ACAT2: variants seen among roughly 807,000 people sequenced by gnomAD.
ACAT2 encodes acetyl-CoA acetyltransferase 2.
A neutral mutation model predicts 37.1 loss-of-function variants in ACAT2; 26 were observed. The observed-to-expected ratio is 0.70, with a 90% CI of 0.51 to 0.97. The LOEUF is 0.97. Ranked by LOEUF, ACAT2 falls within the 50% of genes least tolerant of loss-of-function variation. The pLI, the probability that ACAT2 is intolerant of heterozygous loss-of-function variation, is 0.00. For synonymous variants in ACAT2, 156 were observed against 163.6 expected, an observed-to-expected ratio of 0.95 and a Z score of 0.35; for missense variants, 468 against 489.0, an observed-to-expected ratio of 0.96 and a Z score of 0.40.
intron 4 of ACAT2, among the ~76,000 whole-genome samples, chr6:159,774,905 G>C (rs959606976): frequency 6.6e-6 from 1 of 152,134 alleles, no homozygotes; most frequent in African/African-American, 2.4e-5. Flanking sequence ...AAATATAAAT[G>C]GTGACTCTGG....
In ACAT2 at chr6:159,775,270, T is replaced by G. The variant is rs1780395117; in HGVS notation, c.591T>G (p.His197Gln). The G allele has an allele frequency of 1.9e-6, 3 of 1,614,062 alleles. No individual in the cohort carries two copies. Among genetic ancestry groups the G allele is most frequent in the Admixed American group, 1.7e-5 (1 of 59,996 alleles). The change falls in exon 5 of 9, where the codon CAT (histidine) becomes CAG (glutamine). Residue 197 changes from histidine to glutamine, a missense_variant. His to Gln is a conservative substitution (Grantham distance 24, BLOSUM62 0). Transcript: ENST00000367048. ...NRTENAQKAGHFDKEIVPVLV... is the reference protein window; with the variant it reads ...NRTENAQKAGQFDKEIVPVLV... ...CAGAGAATGCACAGAAAGCTGGCCA[T>G]TTTGACAAAGAGATTGTACCAGTTT...
chr6:159,778,323 C>G, intron 8 of ACAT2, 43 bp downstream of exon 8: 2 of 1,362,946 alleles, frequency 1.5e-6, no homozygotes, highest in Non-Finnish European at 2.0e-6. Context: ...CAGTGAATTT[C>G]ACAATCCAAT....
rs1270715214 is a variant in ACAT2 at position 159,778,642 on chromosome 6, C to T, written c.1024-17C>T. 10 of 1,611,840 alleles carry T rather than the reference C, an allele frequency of 6.2e-6. No homozygotes were observed. The highest frequency in any genetic ancestry group is 8.5e-6 in the Non-Finnish European group (10 of 1,178,446). ...CCACAGAAGAATAAACAATCTAAAT[C>T]TTTTCTCCCCCGTTAGGTCAATATT... On this transcript the variant is annotated splice_polypyrimidine_tract_variant and intron_variant, in intron 8 of 8. Coordinates refer to ENST00000367048, the MANE Select transcript of ACAT2 (RefSeq NM_005891.3).
At chr6:159,767,718 C>T (rs1183391982) in intron 3 of ACAT2, among the ~76,000 whole-genome samples, 2 of 152,140 alleles carry the variant, frequency 1.3e-5, no homozygotes, top group African/African-American at 2.4e-5. Flanking sequence ...AAAACTATAC[C>T]CCCTGCTTCC....
At chr6:159,769,855 T>C (rs1780308901) in intron 4 of ACAT2, among the ~76,000 whole-genome samples, 3 of 152,190 alleles carry the variant, frequency 2.0e-5, no homozygotes, top group African/African-American at 7.2e-5. Flanking sequence ...TCCAGAAATC[T>C]GCAAAAGGTT....
intron 7 of ACAT2, 56 bp from the exon 8 acceptor site, chr6:159,778,106 GAATGGTTT>G: frequency 1.8e-6 from 2 of 1,090,088 alleles, no homozygotes; most frequent in East Asian, 4.8e-5. Context: ...TGTTGACAAA[GAATGGTTT>G]AACTTTAGCC....
rs1419398090 is a variant in ACAT2 at position 159,762,391 on chromosome 6, C to T, written c.55+249C>T. On this transcript the variant is annotated intron_variant, in intron 1 of 8. Coordinates refer to ENST00000367048, the MANE Select transcript of ACAT2 (RefSeq NM_005891.3). ...CTTGGATTGGCTCCCGGGGTAGAGCCATCGCGTGGCCTGCCTCTCCCATTG... is the reference window on the plus strand; with the variant it reads ...CTTGGATTGGCTCCCGGGGTAGAGCTATCGCGTGGCCTGCCTCTCCCATTG... The T allele has an allele frequency of 1.0e-5, 14 of 1,376,788 alleles. No homozygotes were observed. In the African/African-American group the frequency reaches 1.9e-4, roughly 19 times the overall value. The allele number at this position is 1,376,788 out of a possible 1,614,324, so 85.3% of individuals were successfully genotyped here.
rs753247742 is a variant in ACAT2 at position 159,778,908 on chromosome 6, C to A, written c.*79C>A. ...GTTGCAATATGTGAAATCAGAGGAC[C>A]AAAGTACAGATGGAAACCATTTCCT... On this transcript the variant is annotated 3_prime_UTR_variant, in exon 9 of 9. Coordinates refer to ENST00000367048, the MANE Select transcript of ACAT2 (RefSeq NM_005891.3). 1.8e-5 allele frequency: 29 copies of A among 1,589,124 alleles called. No homozygotes were observed. Among genetic ancestry groups the A allele is most frequent in the Non-Finnish European group, 2.5e-5 (29 of 1,164,044 alleles).
At chr6:159,773,824 TG>T (rs1284712916) in intron 4 of ACAT2, among the ~76,000 whole-genome samples, 1 of 152,132 alleles carries the variant, frequency 6.6e-6, no homozygotes, top group Non-Finnish European at 1.5e-5. Context: ...ACTGAATAAA[TG>T]GGAGAAAAGG....
intron 4 of ACAT2, among the ~76,000 whole-genome samples, chr6:159,769,629 G>A (rs1470102671): frequency 6.6e-6 from 1 of 152,196 alleles, no homozygotes; most frequent in African/African-American, 2.4e-5. Flanking sequence ...TGTATGTCAG[G>A]TTTTGACTAA....
intron 6 of ACAT2, among the ~76,000 whole-genome samples, chr6:159,776,569 T>A (rs1452543994): frequency 6.6e-6 from 1 of 152,170 alleles, no homozygotes; most frequent in Admixed American, 6.5e-5. Flanking sequence ...AGGAAACATG[T>A]CATTTCTCTG....
chr6:159,776,657 A>G (rs1190580672), intron 6 of ACAT2, among the ~76,000 whole-genome samples: 2 of 152,246 alleles, frequency 1.3e-5, no homozygotes, highest in African/African-American at 4.8e-5. Flanking sequence ...ACAAATGAAG[A>G]AGTAAATTAG....
At position 159,777,397 on chromosome 6, in the gene ACAT2, C is replaced by T. The variant is rs781059763; in HGVS notation, c.853C>T (p.Gln285Ter). 6.2e-7 allele frequency: 1 copy of T among 1,614,204 alleles called. No individual in the cohort carries two copies. Among genetic ancestry groups the T allele is most frequent in the Admixed American group, 1.7e-5 (1 of 60,022 alleles). The change falls in exon 7 of 9, where the codon CAA (glutamine) becomes TAA (stop). Residue 285 changes from glutamine (Q) to a stop codon, truncating the protein, a stop_gained. Coordinates refer to ENST00000367048, the MANE Select transcript of ACAT2 (RefSeq NM_005891.3). LOFTEE classifies it high-confidence loss of function. ...TTTAGCACGGATAGTTTCCTGGTCCCAAGTGGGTGTGGAGCCTTCCATTAT... is the reference window on the plus strand; with the variant it reads ...TTTAGCACGGATAGTTTCCTGGTCCTAAGTGGGTGTGGAGCCTTCCATTAT... ...TPLARIVSWS[Q>*]VGVEPSIMGI...
At position 159,777,355 on chromosome 6, in the gene ACAT2, A is replaced by T; in HGVS notation, c.811A>T (p.Lys271Ter). Residue 271 changes from lysine to a stop codon, truncating the protein, a stop_gained, in exon 7 of 9, where the codon AAA (lysine) becomes TAA (stop). Coordinates refer to ENST00000367048, the MANE Select transcript of ACAT2 (RefSeq NM_005891.3). LOFTEE classifies it high-confidence loss of function. ...TCTTATGAAGAAGTCAGAAGCTGAT[A>T]AACGTGGGCTTACACCTTTAGCACG... ...VVLMKKSEAD[K>*]RGLTPLARIV... The T allele has an allele frequency of 1.9e-6, 3 of 1,614,194 alleles. No individual in the cohort carries two copies. Among genetic ancestry groups the T allele is most frequent in the Non-Finnish European group, 1.7e-6 (2 of 1,180,030 alleles).
chr6:159,762,888 G>T, intron 1 of ACAT2, 31 bp from the exon 2 acceptor site: 1 of 1,604,722 alleles, frequency 6.2e-7, no homozygotes, highest in South Asian at 1.1e-5. Flanking sequence ...GCAGGCTTGT[G>T]ATGTCCACGC....
rs564376466 is a variant in ACAT2, at chr6:159,769,515, G to T, written c.490+887G>T. 2.1e-3 allele frequency among the ~76,000 whole-genome samples: 323 copies of T among 152,220 alleles called. 2 individuals are homozygous for T. The highest frequency in any genetic ancestry group is 4.0e-3 in the Non-Finnish European group (274 of 67,990). Reference sequence around the variant, plus strand: ...TAAATTGCTCTTCTTTAGAAAAAAAGAAAAGAAAAAAGGCTCAGGTCATGA... The same window carrying T: ...TAAATTGCTCTTCTTTAGAAAAAAATAAAAGAAAAAAGGCTCAGGTCATGA... On this transcript the variant is annotated intron_variant, in intron 4 of 8. Coordinates refer to ENST00000367048, the MANE Select transcript of ACAT2 (RefSeq NM_005891.3).
At chr6:159,771,249 G>T (rs10945632) in intron 4 of ACAT2, among the ~76,000 whole-genome samples, 1 of 150,748 alleles carries the variant, frequency 6.6e-6, no homozygotes, top group Non-Finnish European at 1.5e-5. Context: ...GGCTGGTGGC[G>T]CATGCCTGTA....
chr6:159,775,866 A>T, intron 5 of ACAT2: 1 of 338,362 alleles, frequency 3.0e-6, no homozygotes, highest in Middle Eastern at 9.2e-4. Context: ...TATGACCCAA[A>T]CTATAGCAGA....
At chr6:159,776,958 T>G (rs1037598266) in intron 6 of ACAT2, among the ~76,000 whole-genome samples, 1 of 152,156 alleles carries the variant, frequency 6.6e-6, no homozygotes, top group Non-Finnish European at 1.5e-5. Context: ...CGGCTGATTT[T>G]TCTATTTTAA....
Sources: allele counts gnomAD v4.1 joint callset (sites outside exome capture counted in the v4.1 genomes callset), GRCh38; gene constraint gnomAD v4.1.1; transcripts MANE v1.5; gene names NCBI Gene and HGNC (gene_info 2026-07-23, HGNC 2026-07-21).